The following ATP11B variants were observed in gnomAD, a reference collection of about 807,000 sequenced individuals.
ATP11B encodes the protein phospholipid-transporting ATPase IF.
In ATP11B, 81 loss-of-function variants were observed where a neutral mutation model predicts 157.8. The observed-to-expected ratio is 0.51, with a 90% CI of 0.43 to 0.62. ATP11B has a LOEUF of 0.62. Ranked by LOEUF, ATP11B falls within the 20% of genes least tolerant of loss-of-function variation. The pLI is 0.00. For synonymous variants in ATP11B, 451 were observed against 469.4 expected, an observed-to-expected ratio of 0.96 and a Z score of 0.51; for missense variants, 1,165 against 1,402.2, an observed-to-expected ratio of 0.83 and a Z score of 2.70.
intron 17 of ATP11B, among the ~76,000 whole-genome samples, chr3:182,869,915 G>A (rs1721523879): frequency 6.6e-6 from 1 of 152,258 alleles, no homozygotes; most frequent in Non-Finnish European, 1.5e-5. Context: ...TGGAATATCA[G>A]TCAGCTGTTA....
intron 7 of ATP11B, among the ~76,000 whole-genome samples, chr3:182,837,763 A>AT (rs1718667464): frequency 6.6e-6 from 1 of 152,064 alleles, no homozygotes; most frequent in South Asian, 2.1e-4. Flanking sequence ...AGTTTGTTAG[A>AT]TTTTTAAAGA....
chr3:182,874,627 G>T (rs1560105322), intron 19 of ATP11B, among the ~76,000 whole-genome samples: 1 of 152,124 alleles, frequency 6.6e-6, no homozygotes, highest in Non-Finnish European at 1.5e-5. Context: ...TTTCAAAGAT[G>T]AATTATAAAT....
At position 182,828,203 on chromosome 3, in the gene ATP11B, G is replaced by A. The variant is rs1419803541; in HGVS notation, c.228G>A (p.Leu76=). 6.9e-7 allele frequency: 1 copy of A among 1,451,272 alleles called. No homozygotes were observed. The highest frequency in any genetic ancestry group is 9.4e-7 in the Non-Finnish European group (1 of 1,068,520). 89.9% of individuals were successfully genotyped at this position (1,451,272 alleles called of 1,614,324 possible). The change falls in exon 3 of 30, where the codon TTG becomes TTA. Residue 76 remains leucine, a synonymous_variant. Transcript: ENST00000323116. ...ACTTTTATTTTCTTATTATATTTTTGGTTCAGGTAAGCTTTATTACTCAAT... is the reference window on the plus strand; with the variant it reads ...ACTTTTATTTTCTTATTATATTTTTAGTTCAGGTAAGCTTTATTACTCAAT... The part of the protein sequence containing the change: ...VANFYFLIIF[L]VQLMIDTPTS...
At chr3:182,903,037 G>A (rs924450633) in intron 28 of ATP11B, among the ~76,000 whole-genome samples, 1 of 152,046 alleles carries the variant, frequency 6.6e-6, no homozygotes. Flanking sequence ...TCATATCCTG[G>A]CTACTATTTA....
chr3:182,831,456 T>G (rs1718133972), intron 4 of ATP11B, among the ~76,000 whole-genome samples: 1 of 152,168 alleles, frequency 6.6e-6, no homozygotes, highest in East Asian at 1.9e-4. Flanking sequence ...ACCCTCCCAC[T>G]TAAAGCTACT....
chr3:182,817,273 C>T (rs1717020635), intron 1 of ATP11B, among the ~76,000 whole-genome samples: 1 of 149,508 alleles, frequency 6.7e-6, no homozygotes, highest in Non-Finnish European at 1.5e-5. Context: ...TTGGGGGGAC[C>T]GTTTTTTTTT....
At chr3:182,799,281 CTTT>C (rs11349038) in intron 1 of ATP11B, among the ~76,000 whole-genome samples, 3 of 147,286 alleles carry the variant, frequency 2.0e-5, no homozygotes, top group Admixed American at 6.7e-5. Context: ...TTCTTTCTTT[CTTT>C]TTTTTTTTTT....
At chr3:182,850,734 G>A (rs990052855) in intron 10 of ATP11B, among the ~76,000 whole-genome samples, 7 of 152,042 alleles carry the variant, frequency 4.6e-5, no homozygotes, top group African/African-American at 1.5e-4. Context: ...CCACTACTGG[G>A]TTTTATCCAA....
chr3:182,892,353 C>CA (rs1296860781), intron 25 of ATP11B, among the ~76,000 whole-genome samples: 4 of 152,148 alleles, frequency 2.6e-5, no homozygotes, highest in African/African-American at 9.7e-5. Flanking sequence ...TTGTTGAATG[C>CA]TTCCTGTTTT....
chr3:182,886,898 C>T (rs866570838), intron 23 of ATP11B, among the ~76,000 whole-genome samples: 13 of 152,040 alleles, frequency 8.6e-5, no homozygotes, highest in Admixed American at 6.6e-5. Flanking sequence ...CATTGATTAC[C>T]GATAAAAGTT....
intron 25 of ATP11B, among the ~76,000 whole-genome samples, chr3:182,894,425 A>T (rs1336353553): frequency 2.0e-5 from 3 of 152,156 alleles, no homozygotes; most frequent in Non-Finnish European, 1.5e-5. Context: ...ACCTCAGGTG[A>T]TCCGCCTGCC....
intron 2 of ATP11B, among the ~76,000 whole-genome samples, chr3:182,827,511 A>C (rs906167804): frequency 6.6e-6 from 1 of 152,024 alleles, no homozygotes; most frequent in East Asian, 1.9e-4. Flanking sequence ...CCAAGCATCT[A>C]TGCTTTTAAC....
At position 182,829,719 on chromosome 3, in the gene ATP11B, A is replaced by G; in HGVS notation, c.282A>G (p.Leu94=). 1 of 1,608,788 alleles carries G rather than the reference A, an allele frequency of 6.2e-7. No individual in the cohort carries two copies. The highest frequency in any genetic ancestry group is 8.5e-7 in the Non-Finnish European group (1 of 1,177,170). ...GTCCAGTTACCAGTGGACTTCCATT[A>G]TTCTTTGTGATAACAGTAACTGCCA... ...PTSPVTSGLP[L]FFVITVTAIK... is the part of the protein sequence containing the mutation. The change falls in exon 4 of 30, where the codon TTA becomes TTG. Residue 94 remains leucine (L), a synonymous_variant. Transcript: ENST00000323116.
chr3:182,895,112 CAAAAAAAAAA>C (rs368282275), intron 25 of ATP11B, among the ~76,000 whole-genome samples: 1 of 68,270 alleles, frequency 1.5e-5, no homozygotes, highest in African/African-American at 5.8e-5. Flanking sequence ...GACCCTGACT[CAAAAAAAAAA>C]AAAAAAAAAA....
At chr3:182,908,304 GGTTCAAGCA>G (rs946293612) in intron 28 of ATP11B, among the ~76,000 whole-genome samples, 7 of 150,098 alleles carry the variant, frequency 4.7e-5, no homozygotes, top group Admixed American at 2.0e-4. Flanking sequence ...CCACCTCCTG[GGTTCAAGCA>G]GTTCTCCTGC....
chr3:182,823,062 G>A (rs1049859759), intron 2 of ATP11B, among the ~76,000 whole-genome samples: 3 of 152,176 alleles, frequency 2.0e-5, no homozygotes, highest in African/African-American at 7.2e-5. Context: ...CATTCTGTAG[G>A]TTGCCTGTTC....
At chr3:182,879,316 A>G (rs1041512499) in intron 19 of ATP11B, among the ~76,000 whole-genome samples, 180 bp from the exon 20 acceptor site, 11 of 152,326 alleles carry the variant, frequency 7.2e-5, no homozygotes, top group South Asian at 6.2e-4. Flanking sequence ...CAGTGACTCA[A>G]TTCTGCTTAA....
chr3:182,845,595 A>C, intron 9 of ATP11B, 73 bp downstream of exon 9: 1 of 936,768 alleles, frequency 1.1e-6, no homozygotes, highest in Non-Finnish European at 1.5e-6. Flanking sequence ...TTAAAAGTAC[A>C]ATGTGGTCTT....
intron 21 of ATP11B, among the ~76,000 whole-genome samples, chr3:182,883,936 C>T (rs1722617293): frequency 8.8e-6 from 1 of 113,850 alleles, no homozygotes; most frequent in Admixed American, 1.2e-4. Context: ...GCCTGGGCGA[C>T]AGAGCGAGAC....
Sources: allele counts gnomAD v4.1 joint callset (sites outside exome capture counted in the v4.1 genomes callset), GRCh38; gene constraint gnomAD v4.1.1; transcripts MANE v1.5; gene names NCBI Gene and HGNC (gene_info 2026-07-23, HGNC 2026-07-21).